The following SCAI variants were observed in gnomAD, a reference collection of about 807,000 sequenced individuals.
SCAI encodes protein SCAI.
A neutral mutation model predicts 92.2 loss-of-function variants in SCAI; 24 were observed. That is an observed-to-expected ratio of 0.26 (90% CI 0.19 to 0.37). The LOEUF is 0.37. Ranked by LOEUF, SCAI falls within the 10% of genes least tolerant of loss-of-function variation. The pLI, the probability that SCAI is intolerant of heterozygous loss-of-function variation, is 1.00. For synonymous variants in SCAI, 261 were observed against 258.6 expected (o/e 1.01, Z -0.09); for missense variants, 450 against 736.2 (o/e 0.61, Z 4.50).
chr9:125,004,166 ACT>A (rs1045963454), intron 9 of SCAI, among the ~76,000 whole-genome samples: 3 of 151,660 alleles, frequency 2.0e-5, no homozygotes, highest in African/African-American at 7.3e-5. Context: ...ACAGAGAAAG[ACT>A]CTGTCTCAAA....
rs1045140873 is a variant in SCAI, at chr9:124,944,705, CTA to C, written c.*8100_*8101del. On this transcript the variant is annotated 3_prime_UTR_variant, in exon 18 of 18. Transcript: ENST00000336505. ...TTTTAAAAATACAGTGGTTATCCCT[CTA>C]TGGTTTGGAAGTATTTACTTTTGGG... is the stretch of plus-strand genomic sequence containing the variant. 1.3e-5 allele frequency: 2 copies of C among 152,004 alleles called. No homozygotes were observed. The highest frequency in any genetic ancestry group is 4.8e-5 in the African/African-American group (2 of 41,378). 9.4% of individuals were successfully genotyped at this position (152,004 alleles called of 1,614,324 possible). A position where few individuals can be genotyped will look rare whatever the true frequency, so the allele number is the denominator to read the frequency against.
At chr9:125,024,436 C>T (rs534329715) in intron 6 of SCAI, among the ~76,000 whole-genome samples, 41 of 152,042 alleles carry the variant, frequency 2.7e-4, no homozygotes, top group South Asian at 8.3e-4. Context: ...CCACCACGCC[C>T]GGCTAATTTT....
chr9:125,003,418 G>C (rs1320876341), intron 10 of SCAI, 51 bp downstream of exon 10: 2 of 1,247,724 alleles, frequency 1.6e-6, no homozygotes, highest in African/African-American at 1.5e-5. Context: ...TCCAACAGGA[G>C]AGACGCAGCC....
chr9:125,117,588 C>G (rs964049062), intron 2 of SCAI, among the ~76,000 whole-genome samples: 4 of 147,958 alleles, frequency 2.7e-5, no homozygotes, highest in African/African-American at 1.0e-4. Flanking sequence ...AATGCTTGTG[C>G]CTGGGAGGCA....
intron 2 of SCAI, among the ~76,000 whole-genome samples, chr9:125,109,441 T>G (rs929710848): frequency 1.3e-5 from 2 of 152,080 alleles, no homozygotes; most frequent in Non-Finnish European, 1.5e-5. Flanking sequence ...TAAAGTGCCA[T>G]GTATTTAATA....
intron 3 of SCAI, among the ~76,000 whole-genome samples, chr9:125,047,675 G>A (rs1833473750): frequency 1.3e-5 from 2 of 152,196 alleles, no homozygotes; most frequent in South Asian, 2.1e-4. Context: ...CTAAAACTGG[G>A]AGGAATTTTG....
intron 9 of SCAI, among the ~76,000 whole-genome samples, chr9:125,018,056 T>C (rs942905467): frequency 6.6e-6 from 1 of 151,824 alleles, no homozygotes; most frequent in Non-Finnish European, 1.5e-5. Flanking sequence ...CCCTTTTTGC[T>C]TGATTGGAAA....
intron 17 of SCAI, among the ~76,000 whole-genome samples, chr9:124,959,020 C>T (rs993964717): frequency 2.6e-5 from 4 of 151,684 alleles, no homozygotes; most frequent in Admixed American, 6.6e-5. Context: ...GATTTTTCAT[C>T]GTAGCTTCAA....
At chr9:125,046,553 G>A (rs922873363) in intron 3 of SCAI, among the ~76,000 whole-genome samples, 9 of 150,412 alleles carry the variant, frequency 6.0e-5, no homozygotes, top group Non-Finnish European at 1.2e-4. Flanking sequence ...GGACTCTCAC[G>A]ATAGGGTAGG....
rs552385743 is a variant in SCAI at position 125,041,641 on chromosome 9, G to A, written c.231-11902C>T. ...GTTATAAAGGAACAGGACTTCGTAC[G>A]CAGGCTAAAAGTACATAAAAAGTGA... On this transcript the variant is annotated intron_variant, in intron 3 of 17. Coordinates refer to ENST00000336505, the MANE Select transcript of SCAI (RefSeq NM_001144877.3). Among the ~76,000 whole-genome samples the A allele has an allele frequency of 3.0e-3, 463 of 152,236 alleles. 4 individuals carry two copies. Among genetic ancestry groups the A allele is most frequent in the Non-Finnish European group, 5.4e-3 (364 of 68,008 alleles).
In SCAI at chr9:124,949,974, G is replaced by C. The variant is rs1440581083; in HGVS notation, c.*2833C>G. 6.6e-6 allele frequency: 1 copy of C among 152,056 alleles called. No individual in the cohort carries two copies. The highest frequency in any genetic ancestry group is 1.5e-5 in the Non-Finnish European group (1 of 68,034). 9.4% of individuals were successfully genotyped at this position (152,056 alleles called of 1,614,324 possible). A position where few individuals can be genotyped will look rare whatever the true frequency, so the allele number is the denominator to read the frequency against. ...CTTTAGATTTTTAACTACCAGTAAG[G>C]AATTACACTATTAGCTTAAGGGGCA... On this transcript the variant is annotated 3_prime_UTR_variant, in exon 18 of 18. Coordinates refer to ENST00000336505, the MANE Select transcript of SCAI (RefSeq NM_001144877.3). This position sits in a 1 kb window ranked among gnomAD's most constrained non-coding sequence, Gnocchi z 4.0.
intron 3 of SCAI, among the ~76,000 whole-genome samples, chr9:125,035,211 C>T (rs959394905): frequency 2.0e-5 from 3 of 151,970 alleles, no homozygotes; most frequent in Non-Finnish European, 2.9e-5. Flanking sequence ...AAACAATTAG[C>T]CAGGTGTGGT....
At position 125,022,349 on chromosome 9, in the gene SCAI, C is replaced by T. The variant is rs62582247; in HGVS notation, c.513-1580G>A. Among the ~76,000 whole-genome samples the T allele has an allele frequency of 6.8e-3, 1,040 of 152,226 alleles. 8 individuals are homozygous for T. Among genetic ancestry groups the T allele is most frequent in the Middle Eastern group, 0.01 (3 of 294 alleles). On this transcript the variant is annotated intron_variant, in intron 6 of 17. Transcript: ENST00000336505. ...TATACACATAAGAAATGCGTATACA[C>T]GTACACATTTCTTCCCCATAGTAGC...
At chr9:124,994,104 A>G (rs1832189442) in intron 14 of SCAI, among the ~76,000 whole-genome samples, 1 of 147,118 alleles carries the variant, frequency 6.8e-6, no homozygotes, top group Non-Finnish European at 1.5e-5. Flanking sequence ...GTACAATTTC[A>G]GCTCACCACA....
intron 2 of SCAI, among the ~76,000 whole-genome samples, chr9:125,123,175 G>T (rs1439252466): frequency 2.0e-5 from 3 of 152,134 alleles, no homozygotes; most frequent in African/African-American, 7.2e-5. Flanking sequence ...CAGCCTGAGA[G>T]ACATGGTAAA....
At chr9:125,003,349 C>T in intron 10 of SCAI, 120 bp downstream of exon 10, 1 of 988,312 alleles carries the variant, frequency 1.0e-6, no homozygotes. Context: ...TCTATTTCTC[C>T]ATGTCTCATC....
intron 3 of SCAI, among the ~76,000 whole-genome samples, chr9:125,047,763 T>C (rs1833475381): frequency 6.6e-6 from 1 of 152,218 alleles, no homozygotes; most frequent in Non-Finnish European, 1.5e-5. Context: ...AAGTATAAAA[T>C]ACTCACTGTG....
chr9:125,136,190 A>G (rs1207572145), intron 2 of SCAI, among the ~76,000 whole-genome samples: 1 of 147,096 alleles, frequency 6.8e-6, no homozygotes, highest in Non-Finnish European at 1.5e-5. Context: ...GGCTCACTGC[A>G]GCCTCCACCT....
chr9:125,137,084 T>C (rs939731445), intron 2 of SCAI, among the ~76,000 whole-genome samples: 28 of 152,212 alleles, frequency 1.8e-4, no homozygotes, highest in Non-Finnish European at 3.2e-4. Context: ...AATATCTGGC[T>C]ACAACCATTA....
Sources: allele counts gnomAD v4.1 joint callset (sites outside exome capture counted in the v4.1 genomes callset), GRCh38; gene constraint gnomAD v4.1.1; non-coding constraint Gnocchi (gnomAD v3.1); transcripts MANE v1.5; gene names NCBI Gene and HGNC (gene_info 2026-07-23, HGNC 2026-07-21).